ADAMTSL1: variants seen among roughly 807,000 people sequenced by gnomAD.
ADAMTSL1 encodes ADAMTS-like protein 1.
ADAMTSL1 carries 126 observed loss-of-function variants against 201.8 expected under a neutral mutation model. That is an observed-to-expected ratio of 0.62 (90% CI 0.54 to 0.72). The LOEUF is 0.72. ADAMTSL1 is among the 30% of genes least tolerant of loss of function. The pLI, the probability that ADAMTSL1 is intolerant of heterozygous loss-of-function variation, is 0.00. For synonymous variants in ADAMTSL1, 1,121 were observed against 903.4 expected (o/e 1.24, Z -4.32); for missense variants, 2,679 against 2,277.8 (o/e 1.18, Z -3.59).
intron 23 of ADAMTSL1, among the ~76,000 whole-genome samples, chr9:18,868,777 G>A (rs1433831): frequency 0.68 from 103,188 of 152,102 alleles, 35,471 homozygotes; most frequent in African/African-American, 0.8. Context: ...CCTCAACTCC[G>A]GAATTCTGCT....
At chr9:18,768,778 G>T (rs569125409) in intron 16 of ADAMTSL1, among the ~76,000 whole-genome samples, 2 of 152,148 alleles carry the variant, frequency 1.3e-5, no homozygotes, top group Non-Finnish European at 2.9e-5. Flanking sequence ...AGGCATGTTT[G>T]CTCCGGTGGG....
intron 4 of ADAMTSL1, among the ~76,000 whole-genome samples, chr9:18,581,297 G>T (rs1019220368): frequency 2.0e-5 from 3 of 152,048 alleles, no homozygotes; most frequent in Non-Finnish European, 4.4e-5. Context: ...CACCCTAACG[G>T]ATTATGAATT....
chr9:18,534,143 C>G (rs906716945), intron 3 of ADAMTSL1, among the ~76,000 whole-genome samples: 4 of 152,118 alleles, frequency 2.6e-5, no homozygotes, highest in Non-Finnish European at 4.4e-5. Flanking sequence ...ATGGGAGTCA[C>G]TAAGAGCAAG....
At chr9:17,935,229 T>C in intron 1 of ADAMTSL1, among the ~76,000 whole-genome samples, 1 of 152,100 alleles carries the variant, frequency 6.6e-6, no homozygotes, top group Admixed American at 6.6e-5. Flanking sequence ...AAGTCTTTGA[T>C]TGTGCGGCCT....
upstream of ADAMTSL1, among the ~76,000 whole-genome samples, chr9:18,473,611 T>C (rs1293238041): frequency 6.6e-6 from 1 of 152,200 alleles, no homozygotes; most frequent in South Asian, 2.1e-4. Flanking sequence ...AGGAACTTTA[T>C]GGAGGCGAAA....
chr9:18,484,816 G>T (rs770665523), intron 1 of ADAMTSL1, among the ~76,000 whole-genome samples: 4 of 152,162 alleles, frequency 2.6e-5, no homozygotes, highest in Admixed American at 6.5e-5. Flanking sequence ...ATTTAAAGCA[G>T]TGATTCTCAG....
At chr9:18,634,909 AATAT>A (rs34726555) in intron 5 of ADAMTSL1, among the ~76,000 whole-genome samples, 1 of 138,228 alleles carries the variant, frequency 7.2e-6, no homozygotes, top group Admixed American at 7.6e-5. Flanking sequence ...ATATATATTT[AATAT>A]ATATATATTA....
chr9:18,544,464 C>T (rs2132176452), intron 3 of ADAMTSL1, among the ~76,000 whole-genome samples: 1 of 151,742 alleles, frequency 6.6e-6, no homozygotes, highest in South Asian at 2.1e-4. Flanking sequence ...TGGCATCTTT[C>T]TAGTATACTT....
At chr9:18,061,684 A>G (rs148354667) in intron 1 of ADAMTSL1, among the ~76,000 whole-genome samples, 15 of 152,242 alleles carry the variant, frequency 9.9e-5, no homozygotes, top group Non-Finnish European at 2.1e-4. Context: ...TTCAGTACTC[A>G]TTGAAATGAA....
intron 20 of ADAMTSL1, among the ~76,000 whole-genome samples, chr9:18,797,334 G>T (rs1251093917): frequency 6.6e-6 from 1 of 152,204 alleles, no homozygotes; most frequent in African/African-American, 2.4e-5. Context: ...CCTTACCTGA[G>T]TTTATCATCC....
At chr9:18,728,158 A>C (rs1818009316) in intron 15 of ADAMTSL1, among the ~76,000 whole-genome samples, 1 of 152,154 alleles carries the variant, frequency 6.6e-6, no homozygotes, top group African/African-American at 2.4e-5. Flanking sequence ...GCATGTATTT[A>C]GTTGCTGCAT....
chr9:18,746,342 C>T lies in ADAMTSL1; in HGVS notation c.2007-6956C>T, dbSNP rs569654774. On this transcript the variant is annotated intron_variant, in intron 15 of 28. Coordinates refer to ENST00000380548, the MANE Select transcript of ADAMTSL1 (RefSeq NM_001040272.6). Reference sequence around the variant, plus strand: ...CCCTCCTTAGGCTTTCTAGAGTTGGCACACTTAGTGGTGTCTAGTTTATTA... The same window carrying T: ...CCCTCCTTAGGCTTTCTAGAGTTGGTACACTTAGTGGTGTCTAGTTTATTA... Among the ~76,000 whole-genome samples, 4 of 152,262 alleles carry T rather than the reference C, an allele frequency of 2.6e-5. No homozygotes were observed. The South Asian group carries it at 8.3e-4, about 32-fold the overall frequency.
At chr9:18,892,678 C>G (rs1324306262) in intron 26 of ADAMTSL1, 82 bp downstream of exon 26, 6 of 1,420,106 alleles carry the variant, frequency 4.2e-6, no homozygotes, top group South Asian at 1.3e-5. Context: ...AATGCTATCA[C>G]TGCCACTGCC....
At chr9:18,866,116 CA>C (rs76778655) in intron 23 of ADAMTSL1, among the ~76,000 whole-genome samples, 828 of 78,460 alleles carry the variant, frequency 0.011, 71 homozygotes, top group Admixed American at 0.067. Flanking sequence ...CTTCAAAAAC[CA>C]AAAAAAAAAA....
At chr9:17,986,872 G>C (rs1339130558) in intron 1 of ADAMTSL1, among the ~76,000 whole-genome samples, 4 of 152,064 alleles carry the variant, frequency 2.6e-5, no homozygotes, top group Admixed American at 2.6e-4. Flanking sequence ...CAGTTGGGGG[G>C]AGATTATAAA....
At chr9:18,847,889 C>G (rs1040788604) in intron 23 of ADAMTSL1, among the ~76,000 whole-genome samples, 1 of 152,234 alleles carries the variant, frequency 6.6e-6, no homozygotes, top group South Asian at 2.1e-4. Flanking sequence ...AGAGAAAAAT[C>G]TATAAATGCT....
intron 2 of ADAMTSL1, among the ~76,000 whole-genome samples, chr9:18,317,820 G>C (rs1376516906): frequency 6.6e-6 from 1 of 152,168 alleles, no homozygotes; most frequent in Non-Finnish European, 1.5e-5. Context: ...AGTTTCCCCT[G>C]TTAGAAAGTA....
intron 2 of ADAMTSL1, among the ~76,000 whole-genome samples, chr9:18,273,952 C>T (rs146014203): frequency 4.6e-5 from 7 of 152,266 alleles, no homozygotes; most frequent in East Asian, 3.9e-4. Context: ...TTCTCAGGTA[C>T]GTTTCCCTAA....
intron 3 of ADAMTSL1, among the ~76,000 whole-genome samples, chr9:18,560,263 C>T (rs868605982): frequency 4.1e-4 from 62 of 151,916 alleles, no homozygotes; most frequent in Non-Finnish European, 1.8e-4. Flanking sequence ...TCTATTGAGA[C>T]AATAATGTGG....
Sources: gnomAD v4.1 joint callset for allele counts (sites outside exome capture counted in the v4.1 genomes callset) on GRCh38, gnomAD v4.1.1 for gene constraint, MANE v1.5 for transcripts, NCBI Gene and HGNC (gene_info 2026-07-23, HGNC 2026-07-21) for gene names.